Variants in KLHL32 observed in about 807,000 individuals in gnomAD.
KLHL32 encodes kelch like family member 32.
In KLHL32, 35 loss-of-function variants were observed where a neutral mutation model predicts 64.8. The observed-to-expected ratio is 0.54, with a 90% CI of 0.41 to 0.72. The LOEUF (loss-of-function observed/expected upper bound fraction) is 0.72. Among genes scored for constraint, KLHL32 ranks in the 30% least tolerant of loss-of-function variants. The pLI is 0.00. For missense variants in KLHL32, 589 were observed against 768.5 expected (o/e 0.77, Z 2.76); for synonymous variants, 259 against 281.0 (o/e 0.92, Z 0.78).
chr6:97,104,759 T>C (rs1273590580), intron 6 of KLHL32, among the ~76,000 whole-genome samples: 1 of 152,222 alleles, frequency 6.6e-6, no homozygotes, highest in Non-Finnish European at 1.5e-5. Context: ...CTGTTATAAT[T>C]TTTAATATTC....
intron 3 of KLHL32, among the ~76,000 whole-genome samples, chr6:96,987,683 C>T (rs112579353): frequency 4.6e-5 from 7 of 152,222 alleles, no homozygotes; most frequent in South Asian, 4.2e-4. Context: ...GGAGGCATCA[C>T]GCTACCTGAC....
At chr6:97,005,854 T>A (rs4839892) in intron 3 of KLHL32, among the ~76,000 whole-genome samples, 37,209 of 151,988 alleles carry the variant, frequency 0.24, 5,879 homozygotes, top group East Asian at 0.53. Flanking sequence ...GGTTGGTATA[T>A]TTTCAGTTTT....
Position 97,113,890 on chromosome 6 carries a change from C to T in KLHL32, c.735C>T (p.Ala245=), listed in dbSNP as rs1327194720. ...ATGTGGATACTCTCCATACAGTTGC[C>T]CTGTCCCACCCCCTTGTCCAAGCAA... The part of the protein sequence containing the change: ...LMDVDTLHTV[A]LSHPLVQASE... The change falls in exon 7 of 11, where the codon GCC becomes GCT. Residue 245 remains alanine, a synonymous_variant. Coordinates refer to ENST00000369261, the MANE Select transcript of KLHL32 (RefSeq NM_052904.4). 2 of 1,614,134 alleles carry T rather than the reference C, an allele frequency of 1.2e-6. No homozygotes were observed. Among genetic ancestry groups the T allele is most frequent in the South Asian group, 2.2e-5 (2 of 91,076 alleles).
chr6:97,138,586 A>C (rs1800328062), intron 10 of KLHL32, among the ~76,000 whole-genome samples: 1 of 152,096 alleles, frequency 6.6e-6, no homozygotes, highest in Non-Finnish European at 1.5e-5. Context: ...CAAAACAAAC[A>C]AAAAAACTCC....
intron 1 of KLHL32, among the ~76,000 whole-genome samples, chr6:96,962,192 T>G (rs1773953972): frequency 6.6e-6 from 1 of 152,118 alleles, no homozygotes; most frequent in Admixed American, 6.6e-5. Context: ...CAGGTTTGAC[T>G]TCAAAAAAAC....
intron 3 of KLHL32, among the ~76,000 whole-genome samples, chr6:97,031,699 T>A (rs1783578333): frequency 6.6e-6 from 1 of 152,054 alleles, no homozygotes. Context: ...TTTATAGAAG[T>A]GGTGGTGATG....
At chr6:97,003,658 AT>A (rs1779317396) in intron 3 of KLHL32, among the ~76,000 whole-genome samples, 2 of 151,996 alleles carry the variant, frequency 1.3e-5, no homozygotes, top group Admixed American at 6.5e-5. Flanking sequence ...TCTTGAGTTG[AT>A]TTTTTGTATA....
chr6:96,903,359 C>A, the KLHL32 span, among the ~76,000 whole-genome samples: 2 of 151,822 alleles, frequency 1.3e-5, no homozygotes, highest in African/African-American at 4.8e-5. Flanking sequence ...ATAACACAAT[C>A]GAATAGAAAA....
intron 6 of KLHL32, among the ~76,000 whole-genome samples, chr6:97,104,572 G>A (rs1232505059): frequency 6.6e-6 from 1 of 151,968 alleles, no homozygotes; most frequent in Admixed American, 6.6e-5. Flanking sequence ...CAGTATATGA[G>A]CCTCGGGCCT....
chr6:97,050,330 C>T (rs1169008185), intron 4 of KLHL32, among the ~76,000 whole-genome samples: 1 of 152,180 alleles, frequency 6.6e-6, no homozygotes, highest in African/African-American at 2.4e-5. Flanking sequence ...CACACCCCAA[C>T]AGGATGTGAA....
At chr6:97,089,471 T>C (rs1449761483) in intron 6 of KLHL32, among the ~76,000 whole-genome samples, 1 of 152,256 alleles carries the variant, frequency 6.6e-6, no homozygotes, top group Non-Finnish European at 1.5e-5. Flanking sequence ...TGAGAACTTA[T>C]TATTTTGTAA....
chr6:97,100,262 G>C (rs185623448), intron 6 of KLHL32, among the ~76,000 whole-genome samples: 1 of 152,292 alleles, frequency 6.6e-6, no homozygotes, highest in African/African-American at 2.4e-5. Context: ...AATGAAGTTA[G>C]AGAAGGCAGT....
chr6:96,986,678 G>A (rs552567066), intron 3 of KLHL32, among the ~76,000 whole-genome samples: 21 of 152,314 alleles, frequency 1.4e-4, no homozygotes, highest in South Asian at 4.1e-4. Context: ...AGCAATGCAC[G>A]GGATATAATC....
intron 5 of KLHL32, among the ~76,000 whole-genome samples, chr6:97,079,939 A>G (rs924719633): frequency 2.0e-5 from 3 of 152,198 alleles, no homozygotes; most frequent in Admixed American, 6.5e-5. Flanking sequence ...ATTCAAAACC[A>G]CTACCGCTAC....
intron 3 of KLHL32, among the ~76,000 whole-genome samples, chr6:97,011,838 C>A (rs1204294503): frequency 2.0e-5 from 3 of 152,176 alleles, no homozygotes; most frequent in African/African-American, 7.2e-5. Flanking sequence ...AAAACCTAAA[C>A]ATGGAAAGGA....
rs185426105 is a variant in KLHL32, at chr6:96,995,195, T to C, written c.204+19018T>C. 1.5e-3 allele frequency among the ~76,000 whole-genome samples: 232 copies of C among 152,346 alleles called. 3 individuals carry two copies. Among genetic ancestry groups the C allele is most frequent in the Admixed American group, 0.011 (175 of 15,308 alleles). On this transcript the variant is annotated intron_variant, in intron 3 of 10. Transcript: ENST00000369261. ...TACCTGACACTCAATAAATGTGAGC[T>C]GTTTCACTTCTTGGACTAACTTGAA...
chr6:97,111,701 G>A (rs1251500220), intron 6 of KLHL32, among the ~76,000 whole-genome samples: 1 of 152,164 alleles, frequency 6.6e-6, no homozygotes, highest in Non-Finnish European at 1.5e-5. Context: ...TCACCCTCTT[G>A]GCACCTGAGT....
intron 3 of KLHL32, among the ~76,000 whole-genome samples, chr6:96,991,064 AG>A (rs1193990282): frequency 6.6e-6 from 1 of 152,028 alleles, no homozygotes; most frequent in Non-Finnish European, 1.5e-5. Flanking sequence ...CAGGGGGTCA[AG>A]GCCTCATGGG....
intron 1 of KLHL32, among the ~76,000 whole-genome samples, chr6:96,932,262 T>C (rs1322272798): frequency 2.0e-5 from 3 of 151,850 alleles, no homozygotes; most frequent in Non-Finnish European, 4.4e-5. Flanking sequence ...CAATGTTTTT[T>C]TTTTCCATGA....
Sources: allele counts gnomAD v4.1 joint callset (sites outside exome capture counted in the v4.1 genomes callset), GRCh38; gene constraint gnomAD v4.1.1; transcripts MANE v1.5; gene names NCBI Gene and HGNC (gene_info 2026-07-23, HGNC 2026-07-21).